ACTN4: variants seen among roughly 807,000 people sequenced by gnomAD.
The protein encoded by ACTN4 is actinin alpha 4.
In ACTN4, 18 loss-of-function variants were observed where a neutral mutation model predicts 114.2. The ratio of observed to expected loss-of-function variants is 0.16; its 90% CI spans 0.11 to 0.23. ACTN4 has a LOEUF of 0.23. ACTN4 is among the 10% of genes least tolerant of loss of function. ACTN4 has a pLI of 1.00. For synonymous variants in ACTN4, 515 were observed against 506.3 expected (o/e 1.02, Z -0.23); for missense variants, 722 against 1,262.9 (o/e 0.57, Z 6.49).
rs754390440 is a variant in ACTN4, at chr19:38,718,019, C to A, written c.1236C>A (p.Asp412Glu). 148 of 1,607,272 alleles carry A rather than the reference C, an allele frequency of 9.2e-5. No individual in the cohort carries two copies. Among genetic ancestry groups the A allele is most frequent in the Non-Finnish European group, 1.2e-4 (143 of 1,177,296 alleles). ...AGATCCGCAGGCTGGAGCGGCTCGA[C>A]CACCTGGCAGAGAAGTTCCGGCAGA... ...LNEIRRLERL[D>E]HLAEKFRQKA... The change falls in exon 11 of 21, where the codon GAC (aspartate) becomes GAA (glutamate). Residue 412 changes from aspartate (D) to glutamate (E), a missense_variant. Transcript: ENST00000252699.
chr19:38,667,813 G>GA (rs1599772556), intron 1 of ACTN4, among the ~76,000 whole-genome samples: 1 of 151,960 alleles, frequency 6.6e-6, no homozygotes. Flanking sequence ...GAGCGTCCCT[G>GA]AAAAAAGGAC....
At chr19:38,672,648 A>G (rs1045879426) in intron 1 of ACTN4, among the ~76,000 whole-genome samples, 7 of 151,538 alleles carry the variant, frequency 4.6e-5, no homozygotes, top group African/African-American at 1.7e-4. Context: ...ATCTCGGCTC[A>G]CCGCAACCTC....
chr19:38,706,930 G>A (rs1968480285), intron 5 of ACTN4, among the ~76,000 whole-genome samples: 1 of 152,210 alleles, frequency 6.6e-6, no homozygotes, highest in South Asian at 2.1e-4. Context: ...TGAGGTCCAG[G>A]GGGCGGCAAG....
chr19:38,728,442 T>TCCCCCCCCCCCCC, intron 19 of ACTN4: 1 of 874,710 alleles, frequency 1.1e-6, no homozygotes, highest in South Asian at 1.9e-5. Flanking sequence ...CTCCTCCTCC[T>TCCCCCCCCCCCCC]CCTCCTCCCC....
intron 9 of ACTN4, among the ~76,000 whole-genome samples, chr19:38,715,315 G>T (rs1031869838): frequency 1.3e-5 from 2 of 152,164 alleles, no homozygotes; most frequent in African/African-American, 4.8e-5. Context: ...TGGCCAACAT[G>T]GTGAAACCTT....
chr19:38,684,756 T>C (rs1967689050), intron 1 of ACTN4, among the ~76,000 whole-genome samples: 1 of 152,166 alleles, frequency 6.6e-6, no homozygotes, highest in Non-Finnish European at 1.5e-5. Context: ...GATCTCTTCT[T>C]TTCTTTTCTC....
rs1179684787 is a variant in ACTN4 at position 38,673,567 on chromosome 19, TTATATATATTCA to T, written c.162+25668_162+25679del. ...TATATTTATATATACTTATATATAT[TTATATATATTCA>T]TATATATTTATATATATTCATATAT... is the stretch of plus-strand genomic sequence containing the variant. On this transcript the variant is annotated intron_variant, in intron 1 of 20. Transcript: ENST00000252699. Among the ~76,000 whole-genome samples, 150 of 94,128 alleles carry T rather than the reference TTATATATATTCA, an allele frequency of 1.6e-3. 4 individuals are homozygous for T. The highest frequency in any genetic ancestry group is 8.9e-3 in the Middle Eastern group (2 of 224). The allele number at this position is 94,128 out of a possible 152,430, so 61.8% of individuals were successfully genotyped here.
Position 38,727,209 on chromosome 19 carries a change from C to A in ACTN4, c.2337+106C>A. ...GTCCATTCCCATCACAGTTGCTGAG[C>A]GTCGGCCGCCACTCCCAGGGCCAGC... On this transcript the variant is annotated intron_variant, in intron 18 of 20. Transcript: ENST00000252699. This position sits in a 1 kb window ranked among gnomAD's most constrained non-coding sequence, Gnocchi z 5.4. The A allele has an allele frequency of 2.0e-6, 3 of 1,510,054 alleles. No individual in the cohort carries two copies. Among genetic ancestry groups the A allele is most frequent in the Non-Finnish European group, 2.7e-6 (3 of 1,115,680 alleles). 93.5% of individuals were successfully genotyped at this position (1,510,054 alleles called of 1,614,324 possible). A position where few individuals can be genotyped will look rare whatever the true frequency, so the allele number is the denominator to read the frequency against.
chr19:38,722,120 C>T (rs889774889), intron 12 of ACTN4, among the ~76,000 whole-genome samples: 2 of 152,198 alleles, frequency 1.3e-5, no homozygotes, highest in African/African-American at 4.8e-5. Flanking sequence ...CTTTCTTGCT[C>T]AGAATACACT....
intron 1 of ACTN4, among the ~76,000 whole-genome samples, chr19:38,680,218 T>G (rs916256180): frequency 4.2e-5 from 1 of 23,806 alleles, no homozygotes; most frequent in Non-Finnish European, 2.1e-4. Flanking sequence ...GGAAGTTTTT[T>G]TTTTTTTTTT....
chr19:38,707,248 A>G (rs1461352123), intron 5 of ACTN4, among the ~76,000 whole-genome samples: 1 of 150,690 alleles, frequency 6.6e-6, no homozygotes, highest in Non-Finnish European at 1.5e-5. Context: ...ATTTTCTTCA[A>G]CTAGTAAGTA....
chr19:38,694,449 G>A (rs1433174014), intron 1 of ACTN4, among the ~76,000 whole-genome samples: 3 of 151,946 alleles, frequency 2.0e-5, no homozygotes, highest in African/African-American at 7.3e-5. Flanking sequence ...TAGTAGAGAC[G>A]AGGTTTCACC....
At chr19:38,703,200 G>A (rs1968341857) in intron 3 of ACTN4, among the ~76,000 whole-genome samples, 1 of 151,650 alleles carries the variant, frequency 6.6e-6, no homozygotes, top group Non-Finnish European at 1.5e-5. Context: ...GCTGAAGAAG[G>A]TGTGGTCCAA....
intron 1 of ACTN4, among the ~76,000 whole-genome samples, chr19:38,691,759 C>T (rs1459904844): frequency 1.2e-4 from 18 of 151,804 alleles, no homozygotes; most frequent in Admixed American, 1.1e-3. Flanking sequence ...AAAAATTAGC[C>T]GGGTGTGATG....
intron 17 of ACTN4, among the ~76,000 whole-genome samples, 165 bp downstream of exon 17, chr19:38,726,068 G>A (rs1426181209): frequency 6.6e-6 from 1 of 152,114 alleles, no homozygotes; most frequent in African/African-American, 2.4e-5. Flanking sequence ...TGGGAGGATG[G>A]CTTGAGCCCA....
Position 38,717,528 on chromosome 19 carries a change from G to GT in ACTN4, c.1143+216dup, listed in dbSNP as rs749817654. ...TCACTCACTGTATTTTACACCCAGG[G>GT]TTTTATACGCATCCCAAATCCTTGC... On this transcript the variant is annotated intron_variant, in intron 10 of 20. Coordinates refer to ENST00000252699, the MANE Select transcript of ACTN4 (RefSeq NM_004924.6). This position sits in a 1 kb window ranked among gnomAD's most constrained non-coding sequence, Gnocchi z 4.0. Among the ~76,000 whole-genome samples the GT allele has an allele frequency of 4.6e-5, 7 of 152,154 alleles. No individual in the cohort carries two copies. Among genetic ancestry groups the GT allele is most frequent in the Non-Finnish European group, 7.3e-5 (5 of 68,032 alleles).
In ACTN4 at chr19:38,714,810, A is replaced by G. The variant is rs1968785676; in HGVS notation, c.912+249A>G. ...CTCCCGAGCTTGGGTTCCTACAGAG[A>G]TGCTCAGGGACAGTGTTTCCTGGGC... On this transcript the variant is annotated intron_variant, in intron 9 of 20. Coordinates refer to ENST00000252699, the MANE Select transcript of ACTN4 (RefSeq NM_004924.6). 6.6e-6 allele frequency among the ~76,000 whole-genome samples: 1 copy of G among 152,190 alleles called. No individual in the cohort carries two copies. The highest frequency in any genetic ancestry group is 1.5e-5 in the Non-Finnish European group (1 of 68,034).
Position 38,730,202 on chromosome 19 carries a change from ATTTAC to A in ACTN4, c.*775_*779del, listed in dbSNP as rs759092967. The A allele has an allele frequency of 6.4e-5, 10 of 157,032 alleles. No individual in the cohort carries two copies. Among genetic ancestry groups the A allele is most frequent in the South Asian group, 1.8e-4 (1 of 5,592 alleles). 9.7% of individuals were successfully genotyped at this position (157,032 alleles called of 1,614,324 possible). On this transcript the variant is annotated 3_prime_UTR_variant, in exon 21 of 21. Coordinates refer to ENST00000252699, the MANE Select transcript of ACTN4 (RefSeq NM_004924.6). ...AATTAAAAACTTTCAGAGAATTACT[ATTTAC>A]TTTATTAACTTACGGATTTATTATA...
At chr19:38,696,615 G>T (rs1055709731) in intron 1 of ACTN4, among the ~76,000 whole-genome samples, 1 of 152,250 alleles carries the variant, frequency 6.6e-6, no homozygotes, top group Admixed American at 6.5e-5. Context: ...TGGTCGACCT[G>T]TTCCCAAGGG....
Sources: gnomAD v4.1 joint callset for allele counts (sites outside exome capture counted in the v4.1 genomes callset) on GRCh38, gnomAD v4.1.1 for gene constraint, Gnocchi (gnomAD v3.1) non-coding constraint, MANE v1.5 for transcripts, NCBI Gene and HGNC (gene_info 2026-07-23, HGNC 2026-07-21) for gene names.